CACHD1: variants seen among roughly 807,000 people sequenced by gnomAD.
CACHD1 encodes the protein VWFA and cache domain-containing protein 1.
In CACHD1, 71 loss-of-function variants were observed where a neutral mutation model predicts 138.7. The ratio of observed to expected loss-of-function variants is 0.51; its 90% CI spans 0.42 to 0.62. The LOEUF is 0.62. Ranked by LOEUF, CACHD1 falls within the 20% of genes least tolerant of loss-of-function variation. The probability of loss-of-function intolerance (pLI) is 0.00; values close to 1 mark genes in which losing one functional copy is unlikely to be tolerated. For synonymous variants in CACHD1, 578 were observed against 591.5 expected (o/e 0.98, Z 0.33); for missense variants, 1,389 against 1,625.3 (o/e 0.85, Z 2.50).
At chr1:64,628,856 A>G (rs546913246) in intron 4 of CACHD1, among the ~76,000 whole-genome samples, 2 of 152,334 alleles carry the variant, frequency 1.3e-5, no homozygotes, top group Non-Finnish European at 2.9e-5. Flanking sequence ...TAACAGCTTT[A>G]CTGAATGATT....
chr1:64,642,498 A>G (rs1359769097), intron 8 of CACHD1, among the ~76,000 whole-genome samples: 2 of 152,222 alleles, frequency 1.3e-5, no homozygotes, highest in Non-Finnish European at 2.9e-5. Flanking sequence ...CTTAATGTAC[A>G]GTAAACAACT....
At chr1:64,675,637 G>A (rs1649960908) in intron 20 of CACHD1, 76 bp downstream of exon 20, 3 of 1,501,344 alleles carry the variant, frequency 2.0e-6, no homozygotes, top group South Asian at 2.5e-5. Context: ...ATTTTGAAGT[G>A]CAAAATAAAC....
chr1:64,672,321 T>G (rs1410451218), intron 17 of CACHD1, among the ~76,000 whole-genome samples: 1 of 152,136 alleles, frequency 6.6e-6, no homozygotes, highest in East Asian at 1.9e-4. Flanking sequence ...CAAAATATAG[T>G]CTTGATTAAA....
At chr1:64,690,870 A>C (rs1471989689) in intron 26 of CACHD1, among the ~76,000 whole-genome samples, 1 of 152,226 alleles carries the variant, frequency 6.6e-6, no homozygotes, top group Non-Finnish European at 1.5e-5. Context: ...AGTTGATCTG[A>C]ATCCTGTTCA....
intron 1 of CACHD1, among the ~76,000 whole-genome samples, chr1:64,523,620 T>C (rs1405885858): frequency 1.3e-5 from 2 of 152,214 alleles, no homozygotes; most frequent in Non-Finnish European, 2.9e-5. Flanking sequence ...CCGTTTTTCC[T>C]TCATGTGTTA....
chr1:64,643,876 T>TTATATGGTTTCC (rs1648818914), intron 8 of CACHD1, among the ~76,000 whole-genome samples: 1 of 152,206 alleles, frequency 6.6e-6, no homozygotes, highest in Non-Finnish European at 1.5e-5. Context: ...TTATGAAAGC[T>TTATATGGTTTCC]TATATGGTTT....
chr1:64,515,219 A>G (rs1240716713), intron 1 of CACHD1, among the ~76,000 whole-genome samples: 2 of 152,198 alleles, frequency 1.3e-5, no homozygotes, highest in East Asian at 1.9e-4. Context: ...CTATTTAACA[A>G]TTTCTACTAA....
chr1:64,592,127 A>G (rs1407519192), intron 3 of CACHD1, among the ~76,000 whole-genome samples: 1 of 152,222 alleles, frequency 6.6e-6, no homozygotes, highest in Non-Finnish European at 1.5e-5. Flanking sequence ...TTTTAATCTG[A>G]ACAGTGTTAT....
intron 16 of CACHD1, 116 bp from the exon 17 acceptor site, chr1:64,671,448 A>G (rs1331996298): frequency 9.3e-7 from 1 of 1,076,242 alleles, no homozygotes; most frequent in Non-Finnish European, 1.4e-6. Context: ...TGGGAAAAGT[A>G]GGGAGGAACA....
chr1:64,691,493 C>T lies in CACHD1; in HGVS notation c.3757C>T (p.Pro1253Ser), dbSNP rs776029339. Residue 1253 changes from proline (P) to serine (S), a missense_variant, in exon 27 of 27, where the codon CCT becomes TCT. Physicochemically the swap from Pro to Ser is moderately conservative, Grantham distance 74. Coordinates refer to ENST00000651257, the MANE Select transcript of CACHD1 (RefSeq NM_020925.4). The part of the protein sequence containing the change: ...HKFHHYRSHH[P>S]TLHHSHHLQA... Reference sequence around the variant, plus strand: ...GTTCCACCACTACCGGTCACACCACCCTACACTTCATCATAGCCACCACTT... The same window carrying T: ...GTTCCACCACTACCGGTCACACCACTCTACACTTCATCATAGCCACCACTT... 1 of 1,614,086 alleles carries T rather than the reference C, an allele frequency of 6.2e-7. No individual in the cohort carries two copies. The highest frequency in any genetic ancestry group is 1.7e-5 in the Admixed American group (1 of 59,994).
chr1:64,499,565 G>T (rs1406644531), intron 1 of CACHD1, among the ~76,000 whole-genome samples: 1 of 152,220 alleles, frequency 6.6e-6, no homozygotes, highest in Non-Finnish European at 1.5e-5. Context: ...CCGTGAACTT[G>T]ATGAGGAAAA....
At chr1:64,527,787 T>G (rs1646552455) in intron 1 of CACHD1, among the ~76,000 whole-genome samples, 1 of 152,224 alleles carries the variant, frequency 6.6e-6, no homozygotes, top group Non-Finnish European at 1.5e-5. Flanking sequence ...CTGATGTTGA[T>G]CTGATTGCCA....
rs1649533631 is a variant in CACHD1 at position 64,663,830 on chromosome 1, G to C, written c.2087G>C (p.Gly696Ala). ...SDNTRLIANP[G>A]LKFSVRNEVM... ...AACACCCGCCTCATTGCTAACCCGG[G>C]CCTCAAAGTAAGCATTGGCGCAGAG... The change falls in exon 14 of 27, where the codon GGC (glycine) becomes GCC (alanine). Residue 696 changes from glycine (G) to alanine (A), a missense_variant. Around this residue, in one of 5 missense-constraint regions of CACHD1, gnomAD observed 1,000 missense variants for 1,114.7 expected, o/e 0.90. Transcript: ENST00000651257. The C allele has an allele frequency of 1.2e-6, 2 of 1,613,984 alleles. No homozygotes were observed. The highest frequency in any genetic ancestry group is 1.3e-5 in the African/African-American group (1 of 74,918).
intron 1 of CACHD1, among the ~76,000 whole-genome samples, chr1:64,508,389 T>C (rs956357013): frequency 1.3e-5 from 2 of 152,160 alleles, no homozygotes; most frequent in African/African-American, 4.8e-5. Context: ...CAAATGCTGG[T>C]GTGAAGGTGG....
chr1:64,566,871 A>G (rs923392468), intron 2 of CACHD1, among the ~76,000 whole-genome samples: 1 of 152,148 alleles, frequency 6.6e-6, no homozygotes, highest in African/African-American at 2.4e-5. Flanking sequence ...TAGATAATAT[A>G]TTCACATATA....
At chr1:64,568,094 T>C (rs138086192) in intron 2 of CACHD1, among the ~76,000 whole-genome samples, 5 of 152,376 alleles carry the variant, frequency 3.3e-5, no homozygotes, top group African/African-American at 9.6e-5. Context: ...TATTCCATTA[T>C]TAACATAACC....
intron 2 of CACHD1, among the ~76,000 whole-genome samples, chr1:64,553,972 T>G (rs1471664801): frequency 2.0e-5 from 3 of 152,210 alleles, no homozygotes; most frequent in Non-Finnish European, 4.4e-5. Context: ...GGTATTCCAT[T>G]ATATGCAATT....
chr1:64,688,148 G>A (rs181981263), intron 26 of CACHD1, among the ~76,000 whole-genome samples: 6 of 152,074 alleles, frequency 3.9e-5, no homozygotes, highest in Non-Finnish European at 7.4e-5. Flanking sequence ...CTAACACCTC[G>A]AATGCTAACA....
At chr1:64,576,494 GAA>G (rs879503347) in intron 2 of CACHD1, among the ~76,000 whole-genome samples, 1 of 138,192 alleles carries the variant, frequency 7.2e-6, no homozygotes, top group Non-Finnish European at 1.6e-5. Context: ...TTAGAGGGAA[GAA>G]AAAAAAAAAA....
Sources: allele counts gnomAD v4.1 joint callset (sites outside exome capture counted in the v4.1 genomes callset), GRCh38; gene constraint gnomAD v4.1.1; regional missense constraint gnomAD v4.1.1; transcripts MANE v1.5; gene names NCBI Gene and HGNC (gene_info 2026-07-23, HGNC 2026-07-21).